Variants in PLEKHA6 observed in about 807,000 individuals in gnomAD.
PLEKHA6 encodes the protein pleckstrin homology domain-containing family A member 6.
In PLEKHA6, 60 loss-of-function variants were observed where a neutral mutation model predicts 116.7. The observed-to-expected ratio is 0.51, with a 90% CI of 0.42 to 0.64. The LOEUF (loss-of-function observed/expected upper bound fraction) is 0.64, where lower values mean the gene tolerates loss of function less well. PLEKHA6 is among the 30% of genes least tolerant of loss of function. The pLI is 0.00. For missense variants in PLEKHA6, 1,338 were observed against 1,422.7 expected, an observed-to-expected ratio of 0.94 and a Z score of 0.96; for synonymous variants, 489 against 556.1, an observed-to-expected ratio of 0.88 and a Z score of 1.70.
chr1:204,351,468 C>T (rs1673279340), intron 1 of PLEKHA6, among the ~76,000 whole-genome samples: 1 of 152,228 alleles, frequency 6.6e-6, no homozygotes, highest in Non-Finnish European at 1.5e-5. Flanking sequence ...TCACCCTCCG[C>T]CCTTCCTGAG....
At chr1:204,263,944 C>T (rs991512094) in intron 6 of PLEKHA6, among the ~76,000 whole-genome samples, 12 of 152,108 alleles carry the variant, frequency 7.9e-5, no homozygotes, top group Admixed American at 2.6e-4. Flanking sequence ...CTCCCTGTAG[C>T]GGGCCCTGTG....
At chr1:204,264,867 C>T (rs954607465) in intron 6 of PLEKHA6, 75 bp downstream of exon 6, 2 of 1,075,986 alleles carry the variant, frequency 1.9e-6, no homozygotes, top group Admixed American at 1.7e-5. Context: ...GCTCTTGGCC[C>T]TTCTCCATTC....
chr1:204,311,827 T>G, intron 1 of PLEKHA6: 5 of 225,726 alleles, frequency 2.2e-5, no homozygotes, highest in Non-Finnish European at 3.7e-5. Flanking sequence ...CCCATGGCCA[T>G]GCGGGCCCTA....
At chr1:204,267,597 C>T (rs775504387) in intron 4 of PLEKHA6, 50 bp from the exon 5 acceptor site, 79 of 1,494,764 alleles carry the variant, frequency 5.3e-5, no homozygotes, top group Middle Eastern at 3.4e-4. Context: ...TGGACGTGGA[C>T]GAGGAGATGG....
At chr1:204,260,009 A>T (rs1244085285) in intron 7 of PLEKHA6, among the ~76,000 whole-genome samples, 1 of 151,514 alleles carries the variant, frequency 6.6e-6, no homozygotes, top group Non-Finnish European at 1.5e-5. Flanking sequence ...GTCATTCTCC[A>T]CCCCACTCCC....
intron 1 of PLEKHA6, among the ~76,000 whole-genome samples, chr1:204,308,650 C>T (rs1193554490): frequency 2.7e-5 from 4 of 149,906 alleles, no homozygotes; most frequent in African/African-American, 7.4e-5. Context: ...TACCTCCAGT[C>T]GCCAGCTGAC....
Position 204,359,227 on chromosome 1 carries a change from T to C in PLEKHA6, c.-95+467A>G, listed in dbSNP as rs557499615. ...CCCAACCTCTGACTCATAAGAATGA[T>C]ACACACCCTGACCCCTCCCCACGCT... On this transcript the variant is annotated intron_variant, in intron 1 of 22. Transcript: ENST00000272203. Among the ~76,000 whole-genome samples the C allele has an allele frequency of 5.3e-5, 8 of 152,046 alleles. No individual in the cohort carries two copies. The East Asian group carries it at 1.6e-3, about 30-fold the overall frequency.
chr1:204,301,151 G>A (rs1161840581), intron 1 of PLEKHA6: 3 of 632,402 alleles, frequency 4.7e-6, no homozygotes, highest in Non-Finnish European at 5.9e-6. Flanking sequence ...AAATCCATAG[G>A]CCCCAAAGAT....
chr1:204,341,158 C>A (rs1672832780), intron 1 of PLEKHA6, among the ~76,000 whole-genome samples: 1 of 152,212 alleles, frequency 6.6e-6, no homozygotes, highest in African/African-American at 2.4e-5. Context: ...GTACCAGGCC[C>A]CCAGGAATCC....
chr1:204,306,343 C>T (rs1289644767), intron 1 of PLEKHA6, among the ~76,000 whole-genome samples: 4 of 152,190 alleles, frequency 2.6e-5, no homozygotes, highest in African/African-American at 9.7e-5. Context: ...CTGCTCCTTG[C>T]CACCAAGAAA....
chr1:204,223,386 G>T lies in PLEKHA6; in HGVS notation c.*8+76C>A. 1.3e-6 allele frequency: 1 copy of T among 752,970 alleles called. No individual in the cohort carries two copies. Among genetic ancestry groups the T allele is most frequent in the Non-Finnish European group, 2.4e-6 (1 of 417,364 alleles). The allele number at this position is 752,970 out of a possible 1,614,324, so 46.6% of individuals were successfully genotyped here. A position where few individuals can be genotyped will look rare whatever the true frequency, so the allele number is the denominator to read the frequency against. On this transcript the variant is annotated intron_variant, in intron 22 of 22. Transcript: ENST00000272203. The surrounding 1 kb of genome is among the most constrained non-coding windows in gnomAD (Gnocchi z 4.8). Reference sequence around the variant, plus strand: ...GGAGAAGCAATACCAAAATGAGAGGGCATAGATGGCTCAATGGGGGTGAAG... The same window carrying T: ...GGAGAAGCAATACCAAAATGAGAGGTCATAGATGGCTCAATGGGGGTGAAG...
At position 204,261,404 on chromosome 1, in the gene PLEKHA6, G is replaced by A. The variant is rs1479743241; in HGVS notation, c.426C>T (p.Ser142=). The A allele has an allele frequency of 1.2e-6, 2 of 1,613,994 alleles. No individual in the cohort carries two copies. The highest frequency in any genetic ancestry group is 1.7e-6 in the Non-Finnish European group (2 of 1,179,952). ...GGATCCAGGCCTCTTGCTCCTCGGG[G>A]CTCTCGGCACTGAAGAAGTAGGTGC... is the stretch of plus-strand genomic sequence containing the variant. ...GVRTYFFSAE[S]PEEQEAWIQA... is the part of the protein sequence containing the mutation. The change falls in exon 7 of 23, where the codon AGC becomes AGT. Residue 142 remains serine (S), a synonymous_variant. Transcript: ENST00000272203. The surrounding 1 kb of genome is among the most constrained non-coding windows in gnomAD (Gnocchi z 4.0).
At position 204,257,765 on chromosome 1, in the gene PLEKHA6, G is replaced by A. The variant is rs150313287; in HGVS notation, c.1112C>T (p.Pro371Leu). 6.8e-6 allele frequency: 11 copies of A among 1,613,766 alleles called. No homozygotes were observed. Among genetic ancestry groups the A allele is most frequent in the Admixed American group, 5.0e-5 (3 of 59,974 alleles). ...DYQYYPPGVR[P>L]ESICSMPAYD... ...GGCCGGCATGGAACAGATGCTCTCC[G>A]GCCGCACTCCTGGCGGGTAGTACTG... The change falls in exon 9 of 23, where the codon CCG becomes CTG. Residue 371 changes from proline (P) to leucine (L), a missense_variant. Physicochemically the swap from Pro to Leu is moderately conservative, Grantham distance 98 (BLOSUM62 -3). Transcript: ENST00000272203. This position sits in a 1 kb window ranked among gnomAD's most constrained non-coding sequence, Gnocchi z 6.5.
intron 1 of PLEKHA6, among the ~76,000 whole-genome samples, chr1:204,372,989 G>A (rs1673804384): frequency 6.7e-6 from 1 of 150,086 alleles, no homozygotes; most frequent in Non-Finnish European, 1.5e-5. Context: ...CTCATTTGTA[G>A]CCTCAAACTT....
At chr1:204,346,326 T>C (rs936598861) in intron 1 of PLEKHA6, among the ~76,000 whole-genome samples, 4 of 152,154 alleles carry the variant, frequency 2.6e-5, no homozygotes, top group South Asian at 4.1e-4. Flanking sequence ...CATGGGAACA[T>C]GAGAGCAGCA....
At chr1:204,224,710 A>C (rs2102373622) in intron 21 of PLEKHA6, among the ~76,000 whole-genome samples, 1 of 152,358 alleles carries the variant, frequency 6.6e-6, no homozygotes, top group South Asian at 2.1e-4. Flanking sequence ...CACAGCTCAC[A>C]TAAGCGTATT....
intron 1 of PLEKHA6, chr1:204,301,110 A>G: frequency 3.6e-6 from 1 of 279,026 alleles, no homozygotes; most frequent in Non-Finnish European, 5.4e-6. Flanking sequence ...GGTTTTATGT[A>G]ATAAACAATG....
At chr1:204,270,306 C>A (rs971860084) in intron 3 of PLEKHA6, among the ~76,000 whole-genome samples, 1 of 152,162 alleles carries the variant, frequency 6.6e-6, no homozygotes, top group Admixed American at 6.6e-5. Context: ...GCCTGTGTTA[C>A]CTCATCCATA....
At position 204,257,605 on chromosome 1, in the gene PLEKHA6, G is replaced by T. The variant is rs563269667; in HGVS notation, c.1272C>A (p.Ile424=). ...SYGRQDATVW[I]PSPSRQPVYY... Reference sequence around the variant, plus strand: ...AGACTGGCTGCCGGGAGGGGCTTGGGATCCAGACGGTGGCATCCTGCCGCC... The same window carrying T: ...AGACTGGCTGCCGGGAGGGGCTTGGTATCCAGACGGTGGCATCCTGCCGCC... The change falls in exon 9 of 23, where the codon ATC becomes ATA. Residue 424 remains isoleucine, a synonymous_variant. Transcript: ENST00000272203. This position sits in a 1 kb window ranked among gnomAD's most constrained non-coding sequence, Gnocchi z 6.5. 2 of 1,609,426 alleles carry T rather than the reference G, an allele frequency of 1.2e-6. No homozygotes were observed. Among genetic ancestry groups the T allele is most frequent in the South Asian group, 1.1e-5 (1 of 90,320 alleles).
Sources: gnomAD v4.1 joint callset for allele counts (sites outside exome capture counted in the v4.1 genomes callset) on GRCh38, gnomAD v4.1.1 for gene constraint, Gnocchi (gnomAD v3.1) non-coding constraint, MANE v1.5 for transcripts, NCBI Gene and HGNC (gene_info 2026-07-23, HGNC 2026-07-21) for gene names.